PELI1: variants seen among roughly 807,000 people sequenced by gnomAD.
PELI1 encodes pellino E3 ubiquitin protein ligase 1.
A neutral mutation model predicts 41.3 loss-of-function variants in PELI1; 15 were observed. The observed-to-expected ratio is 0.36, with a 90% CI of 0.24 to 0.56. The LOEUF is 0.56. Among genes scored for constraint, PELI1 ranks in the 20% least tolerant of loss-of-function variants. PELI1 has a pLI of 0.82. For missense variants in PELI1, 403 were observed against 525.5 expected, an observed-to-expected ratio of 0.77 and a Z score of 2.28; for synonymous variants, 178 against 180.1, an observed-to-expected ratio of 0.99 and a Z score of 0.09.
chr2:64,104,976 T>G (rs1434387134), intron 2 of PELI1, 146 bp from the exon 3 acceptor site: 2 of 634,238 alleles, frequency 3.2e-6, no homozygotes, highest in Non-Finnish European at 2.6e-6. Context: ...GAGCAACTGT[T>G]GATCTCCATA....
At chr2:64,102,166 G>A (rs1680460856) in intron 3 of PELI1, among the ~76,000 whole-genome samples, 1 of 152,010 alleles carries the variant, frequency 6.6e-6, no homozygotes, top group South Asian at 2.1e-4. Context: ...AGATACAATT[G>A]AGGCTGCCTA....
intron 1 of PELI1, among the ~76,000 whole-genome samples, chr2:64,124,929 G>A (rs1004835473): frequency 3.9e-5 from 6 of 152,136 alleles, no homozygotes; most frequent in East Asian, 1.9e-4. Flanking sequence ...GCTATAAATT[G>A]GGGGTTCCCA....
At chr2:64,142,986 T>C (rs1360465092) in intron 1 of PELI1, among the ~76,000 whole-genome samples, 8 of 152,224 alleles carry the variant, frequency 5.3e-5, no homozygotes, top group Admixed American at 4.6e-4. Context: ...CAGCACCTTA[T>C]GAATAAAGTT....
chr2:64,103,463 A>T (rs150360003), intron 3 of PELI1, among the ~76,000 whole-genome samples: 1 of 152,282 alleles, frequency 6.6e-6, no homozygotes, highest in Non-Finnish European at 1.5e-5. Flanking sequence ...ACAATGAAAA[A>T]GTGGCATACC....
At chr2:64,101,708 C>T (rs1372649464) in intron 3 of PELI1, among the ~76,000 whole-genome samples, 1 of 152,052 alleles carries the variant, frequency 6.6e-6, no homozygotes, top group Non-Finnish European at 1.5e-5. Context: ...AGCTTTAAGA[C>T]TGTCAAATTT....
chr2:64,113,351 T>C (rs1405713928), intron 1 of PELI1, among the ~76,000 whole-genome samples: 5 of 151,470 alleles, frequency 3.3e-5, no homozygotes, highest in African/African-American at 7.3e-5. Flanking sequence ...TTTAAATGAG[T>C]ATGTACATAA....
intron 1 of PELI1, among the ~76,000 whole-genome samples, chr2:64,113,021 T>C (rs1190999981): frequency 6.6e-6 from 1 of 152,002 alleles, no homozygotes; most frequent in African/African-American, 2.4e-5. Context: ...CTCATGCCCG[T>C]AATCCCAGCA....
chr2:64,125,804 A>C (rs1271487416), intron 1 of PELI1, among the ~76,000 whole-genome samples: 1 of 152,242 alleles, frequency 6.6e-6, no homozygotes, highest in East Asian at 1.9e-4. Context: ...CCAAAACCTG[A>C]AATTTTTGAG....
chr2:64,117,617 T>C (rs1681041639), intron 1 of PELI1, among the ~76,000 whole-genome samples: 4 of 152,128 alleles, frequency 2.6e-5, no homozygotes. Context: ...AAAATTCAAA[T>C]TACAAATAAG....
intron 1 of PELI1, among the ~76,000 whole-genome samples, chr2:64,111,156 C>T (rs1010095341): frequency 6.6e-6 from 1 of 152,058 alleles, no homozygotes; most frequent in African/African-American, 2.4e-5. Context: ...AAAGTCTCCT[C>T]ATTTTATACC....
At chr2:64,137,303 TA>T (rs1346885258) in intron 1 of PELI1, among the ~76,000 whole-genome samples, 2 of 152,232 alleles carry the variant, frequency 1.3e-5, no homozygotes, top group African/African-American at 4.8e-5. Context: ...ATTCATCTCT[TA>T]ACACTAACAT....
intron 1 of PELI1, among the ~76,000 whole-genome samples, chr2:64,139,413 T>C (rs1681822185): frequency 6.6e-6 from 1 of 152,118 alleles, no homozygotes; most frequent in Non-Finnish European, 1.5e-5. Context: ...TTAAGTGATC[T>C]TCCCACCTCA....
chr2:64,132,678 G>C (rs1163359292), intron 1 of PELI1, among the ~76,000 whole-genome samples: 1 of 152,192 alleles, frequency 6.6e-6, no homozygotes, highest in Non-Finnish European at 1.5e-5. Context: ...CTAGGAATAT[G>C]TGGTTTCAAA....
chr2:64,097,654 T>G (rs1264224072), intron 4 of PELI1, among the ~76,000 whole-genome samples: 6 of 152,220 alleles, frequency 3.9e-5, no homozygotes, highest in Admixed American at 3.9e-4. Flanking sequence ...AATGTATTTG[T>G]TATAAAGTAG....
chr2:64,135,081 A>G (rs1468303017), intron 1 of PELI1, among the ~76,000 whole-genome samples: 4 of 152,120 alleles, frequency 2.6e-5, no homozygotes, highest in Non-Finnish European at 5.9e-5. Flanking sequence ...CTAAGGTCAT[A>G]TATGGTTAGT....
At chr2:64,111,657 A>C (rs747629901) in intron 1 of PELI1, among the ~76,000 whole-genome samples, 1 of 152,224 alleles carries the variant, frequency 6.6e-6, no homozygotes, top group African/African-American at 2.4e-5. Context: ...TAGAAAAATA[A>C]ACTTATGCTA....
At chr2:64,098,398 T>TG (rs1680313343) in intron 4 of PELI1, among the ~76,000 whole-genome samples, 1 of 152,238 alleles carries the variant, frequency 6.6e-6, no homozygotes, top group Non-Finnish European at 1.5e-5. Context: ...AATTTCCTGC[T>TG]ATTTGTGTAT....
intron 2 of PELI1, 111 bp from the exon 3 acceptor site, chr2:64,104,941 C>T (rs1318086803): frequency 2.5e-6 from 2 of 813,626 alleles, no homozygotes; most frequent in African/African-American, 3.5e-5. Context: ...TCTATTAACA[C>T]ATTATAATTA....
At chr2:64,125,969 G>T (rs1462712465) in intron 1 of PELI1, among the ~76,000 whole-genome samples, 1 of 152,182 alleles carries the variant, frequency 6.6e-6, no homozygotes, top group Non-Finnish European at 1.5e-5. Context: ...CCATCCCGAA[G>T]ATATCTCATA....
Sources: allele counts gnomAD v4.1 joint callset (sites outside exome capture counted in the v4.1 genomes callset), GRCh38; gene constraint gnomAD v4.1.1; transcripts MANE v1.5; gene names NCBI Gene and HGNC (gene_info 2026-07-23, HGNC 2026-07-21).